CSMD3: variants seen among roughly 807,000 people sequenced by gnomAD.
CSMD3 encodes CUB and sushi domain-containing protein 3.
CSMD3 carries 177 observed loss-of-function variants against 435.2 expected under a neutral mutation model. That is an observed-to-expected ratio of 0.41 (90% CI 0.36 to 0.46). The LOEUF (loss-of-function observed/expected upper bound fraction) is 0.46, where lower values mean the gene tolerates loss of function less well. CSMD3 is among the 20% of genes least tolerant of loss of function. CSMD3 has a pLI of 0.34. For synonymous variants in CSMD3, 1,656 were observed against 1,520.5 expected, an observed-to-expected ratio of 1.09 and a Z score of -2.07; for missense variants, 4,265 against 4,504.6, an observed-to-expected ratio of 0.95 and a Z score of 1.52.
intron 9 of CSMD3, among the ~76,000 whole-genome samples, chr8:112,939,672 A>C (rs1429621840): frequency 6.6e-6 from 1 of 152,090 alleles, no homozygotes; most frequent in Non-Finnish European, 1.5e-5. Context: ...TCAGAAGAAT[A>C]AAAATGATAA....
intron 38 of CSMD3, among the ~76,000 whole-genome samples, chr8:112,353,848 A>C (rs1296602567): frequency 6.6e-6 from 1 of 152,156 alleles, no homozygotes; most frequent in Non-Finnish European, 1.5e-5. Flanking sequence ...TCGTTCTACA[A>C]AGGCCACCAT....
At chr8:112,237,506 A>C (rs1813698551) in intron 66 of CSMD3, among the ~76,000 whole-genome samples, 158 bp from the exon 67 acceptor site, 1 of 152,098 alleles carries the variant, frequency 6.6e-6, no homozygotes, top group South Asian at 2.1e-4. Flanking sequence ...AAATGTTTCC[A>C]TTTTTTAGAA....
At chr8:113,302,712 C>G (rs920224979) in intron 2 of CSMD3, among the ~76,000 whole-genome samples, 12 of 150,242 alleles carry the variant, frequency 8.0e-5, no homozygotes, top group Non-Finnish European at 1.3e-4. Context: ...ATTCAACAAC[C>G]CTTCATGCTA....
At chr8:112,635,828 C>A (rs1014975680) in intron 22 of CSMD3, among the ~76,000 whole-genome samples, 6 of 152,056 alleles carry the variant, frequency 3.9e-5, no homozygotes, top group Admixed American at 1.3e-4. Context: ...CTCATTTCAA[C>A]CTGCAGGGCA....
intron 5 of CSMD3, among the ~76,000 whole-genome samples, chr8:113,045,025 A>C (rs939400508): frequency 1.3e-5 from 2 of 149,040 alleles, no homozygotes; most frequent in Non-Finnish European, 1.5e-5. Flanking sequence ...TCTTGATCCC[A>C]CAACACTTTA....
In CSMD3 at chr8:112,523,604, G is replaced by T. The variant is rs887351208; in HGVS notation, c.4565-6379C>A. Among the ~76,000 whole-genome samples the T allele has an allele frequency of 2.6e-5, 4 of 151,992 alleles. No homozygotes were observed. In the East Asian group the frequency reaches 7.7e-4, roughly 29 times the overall value. Reference sequence around the variant, plus strand: ...TCCCTATCTATAAGAAAATCAAGATGGGTAATGGGAATACTTAACCTGTGA... The same window carrying T: ...TCCCTATCTATAAGAAAATCAAGATTGGTAATGGGAATACTTAACCTGTGA... On this transcript the variant is annotated intron_variant, in intron 27 of 70. Transcript: ENST00000297405.
intron 13 of CSMD3, among the ~76,000 whole-genome samples, chr8:112,794,354 C>T (rs555128245): frequency 6.5e-4 from 87 of 133,418 alleles, no homozygotes; most frequent in Non-Finnish European, 9.3e-4. Context: ...AGGGCAGCGG[C>T]GCGGTCTCGT....
At chr8:113,399,958 A>G (rs1443001600) in intron 1 of CSMD3, among the ~76,000 whole-genome samples, 1 of 151,470 alleles carries the variant, frequency 6.6e-6, no homozygotes, top group Non-Finnish European at 1.5e-5. Context: ...GTATATATAT[A>G]TATATGTATA....
intron 4 of CSMD3, among the ~76,000 whole-genome samples, chr8:113,159,247 G>A (rs1313266799): frequency 6.6e-6 from 1 of 151,664 alleles, no homozygotes; most frequent in African/African-American, 2.4e-5. Flanking sequence ...TGTAAGATAT[G>A]TAGAATATAT....
At chr8:113,380,564 T>C (rs1221567186) in intron 1 of CSMD3, among the ~76,000 whole-genome samples, 1 of 152,126 alleles carries the variant, frequency 6.6e-6, no homozygotes, top group Non-Finnish European at 1.5e-5. Context: ...AAATAACTAT[T>C]GCCACTTTCC....
intron 45 of CSMD3, among the ~76,000 whole-genome samples, chr8:112,335,034 A>T (rs1438861604): frequency 6.6e-6 from 1 of 152,202 alleles, no homozygotes; most frequent in African/African-American, 2.4e-5. Flanking sequence ...GCACTAGAGT[A>T]TGAACAGCTG....
chr8:112,584,544 T>C (rs1830570391), intron 23 of CSMD3, among the ~76,000 whole-genome samples: 1 of 151,796 alleles, frequency 6.6e-6, no homozygotes, highest in African/African-American at 2.4e-5. Context: ...TAGATGTAGA[T>C]ACACACATAT....
At chr8:112,295,354 A>G (rs190318217) in intron 54 of CSMD3, among the ~76,000 whole-genome samples, 2 of 152,216 alleles carry the variant, frequency 1.3e-5, no homozygotes, top group African/African-American at 4.8e-5. Context: ...GCCTAATGAT[A>G]ATATATTCCC....
At chr8:113,356,236 A>C (rs971215370) in intron 1 of CSMD3, among the ~76,000 whole-genome samples, 7 of 152,116 alleles carry the variant, frequency 4.6e-5, no homozygotes, top group Non-Finnish European at 8.8e-5. Context: ...TCTGCTCATT[A>C]GTTTACCCCC....
At chr8:112,661,231 C>T (rs1463361590) in intron 17 of CSMD3, among the ~76,000 whole-genome samples, 1 of 152,068 alleles carries the variant, frequency 6.6e-6, no homozygotes, top group Non-Finnish European at 1.5e-5. Flanking sequence ...ACTAGTGTTA[C>T]ATTTTATTAA....
At chr8:113,243,613 T>C (rs1012680855) in intron 3 of CSMD3, among the ~76,000 whole-genome samples, 2 of 152,154 alleles carry the variant, frequency 1.3e-5, no homozygotes, top group Non-Finnish European at 2.9e-5. Flanking sequence ...TTTCAATTTA[T>C]TTGAATATAT....
At chr8:112,827,164 A>ATATATATAT (rs1564000272) in intron 12 of CSMD3, among the ~76,000 whole-genome samples, 1,057 of 82,748 alleles carry the variant, frequency 0.013, 215 homozygotes, top group East Asian at 0.027. Flanking sequence ...GGTTACCATA[A>ATATATATAT]ATATATATAT....
At chr8:112,828,849 TG>T (rs2079777422) in intron 12 of CSMD3, among the ~76,000 whole-genome samples, 1 of 151,828 alleles carries the variant, frequency 6.6e-6, no homozygotes, top group African/African-American at 2.4e-5. Context: ...TGAAGACAGG[TG>T]AGTAAGTTTG....
intron 14 of CSMD3, among the ~76,000 whole-genome samples, chr8:112,689,273 C>T (rs1041057594): frequency 6.6e-6 from 1 of 151,960 alleles, no homozygotes; most frequent in East Asian, 1.9e-4. Flanking sequence ...TTGAGCACAC[C>T]AAGTGCGTGA....
Sources: gnomAD v4.1 joint callset for allele counts (sites outside exome capture counted in the v4.1 genomes callset) on GRCh38, gnomAD v4.1.1 for gene constraint, MANE v1.5 for transcripts, NCBI Gene and HGNC (gene_info 2026-07-23, HGNC 2026-07-21) for gene names.